GALNT12: variants seen among roughly 807,000 people sequenced by gnomAD.
GALNT12 encodes the protein UDP-GalNAc:polypeptide N-acetylgalactosaminyltransferase 12.
A neutral mutation model predicts 55.5 loss-of-function variants in GALNT12; 45 were observed. The ratio of observed to expected loss-of-function variants is 0.81; its 90% confidence interval spans 0.64 to 1.04. The LOEUF (loss-of-function observed/expected upper bound fraction) is 1.04. Among genes scored for constraint, GALNT12 ranks in the 50% least tolerant of loss-of-function variants. The pLI is 0.00. For missense variants in GALNT12, 709 were observed against 754.8 expected, an observed-to-expected ratio of 0.94 and a Z score of 0.71; for synonymous variants, 304 against 312.2, an observed-to-expected ratio of 0.97 and a Z score of 0.28.
At chr9:98,831,572 G>A (rs1835993377) in intron 3 of GALNT12, among the ~76,000 whole-genome samples, 200 bp from the exon 4 acceptor site, 1 of 152,072 alleles carries the variant, frequency 6.6e-6, no homozygotes, top group Non-Finnish European at 1.5e-5. Flanking sequence ...GCCCTCCGTG[G>A]CCCCCAGATC....
intron 9 of GALNT12, 59 bp from the exon 10 acceptor site, chr9:98,848,893 G>A: frequency 6.3e-7 from 1 of 1,598,486 alleles, no homozygotes; most frequent in Admixed American, 1.7e-5. Flanking sequence ...TTTAAAACAT[G>A]TCTTTAGGAA....
chr9:98,834,774 C>T (rs1283578811), intron 4 of GALNT12, among the ~76,000 whole-genome samples: 1 of 152,232 alleles, frequency 6.6e-6, no homozygotes, highest in Non-Finnish European at 1.5e-5. Context: ...CTGCCTTCTT[C>T]TCGGAACGTG....
chr9:98,847,647 G>A (rs1216490793), intron 9 of GALNT12, among the ~76,000 whole-genome samples: 1 of 152,108 alleles, frequency 6.6e-6, no homozygotes, highest in African/African-American at 2.4e-5. Context: ...TGATTCATAT[G>A]TGAAAAGGAT....
Position 98,844,137 on chromosome 9 carries a change from C to T in GALNT12, c.1386C>T (p.Asn462=), listed in dbSNP as rs143336366. The T allele has an allele frequency of 1.2e-6, 2 of 1,613,940 alleles. No individual in the cohort carries two copies. The highest frequency in any genetic ancestry group is 1.7e-6 in the Non-Finnish European group (2 of 1,179,836). ...KGLTDYCFDY[N]PPDENQIVGH... ...TAACAGACTACTGCTTTGACTATAACCCTCCCGATGAAAACCAGATTGTGG... is the reference window on the plus strand; with the variant it reads ...TAACAGACTACTGCTTTGACTATAATCCTCCCGATGAAAACCAGATTGTGG... Residue 462 remains asparagine, a synonymous_variant, in exon 8 of 10, where the codon AAC becomes AAT. Coordinates refer to ENST00000375011, the MANE Select transcript of GALNT12 (RefSeq NM_024642.5).
chr9:98,814,976 C>T (rs1365425909), intron 1 of GALNT12, among the ~76,000 whole-genome samples: 1 of 152,164 alleles, frequency 6.6e-6, no homozygotes, highest in Non-Finnish European at 1.5e-5. Flanking sequence ...TGCAATATAC[C>T]AGAAACTTAG....
At chr9:98,840,668 A>G (rs1836267438) in intron 7 of GALNT12, among the ~76,000 whole-genome samples, 1 of 152,234 alleles carries the variant, frequency 6.6e-6, no homozygotes, top group South Asian at 2.1e-4. Flanking sequence ...GTTCCATTCT[A>G]GAAGTCTTTG....
rs570517885 is a variant in GALNT12, at chr9:98,809,652, C to T, written c.371+1583C>T. On this transcript the variant is annotated intron_variant, in intron 1 of 9. Coordinates refer to ENST00000375011, the MANE Select transcript of GALNT12 (RefSeq NM_024642.5). ...CTTAGGAATTAATAAAGCATCAATA[C>T]CTGGGAGCACACTGTGTGCTTAAAT... Among the ~76,000 whole-genome samples, 6 of 152,296 alleles carry T rather than the reference C, an allele frequency of 3.9e-5. No homozygotes were observed. In the South Asian group the frequency reaches 1.2e-3, roughly 32 times the overall value.
Position 98,835,253 on chromosome 9 carries a change from C to G in GALNT12, c.922C>G (p.Pro308Ala). 2 of 1,610,752 alleles carry G rather than the reference C, an allele frequency of 1.2e-6. No individual in the cohort carries two copies. Among genetic ancestry groups the G allele is most frequent in the Non-Finnish European group, 1.7e-6 (2 of 1,176,934 alleles). ...MQSPVDVIRS[P>A]TMAGGLFAVS... ...AAGGATATCATACTTTTTTAGGTCT[C>G]CAACAATGGCTGGTGGGCTGTTTGC... The change falls in exon 5 of 10, where the codon CCA becomes GCA. Residue 308 changes from proline to alanine, a missense_variant. Transcript: ENST00000375011.
chr9:98,845,871 A>G (rs1451935658), intron 8 of GALNT12, 106 bp from the exon 9 acceptor site: 2 of 1,227,950 alleles, frequency 1.6e-6, no homozygotes, highest in African/African-American at 1.5e-5. Context: ...ACGCAGGTGC[A>G]TGACCCCACC....
At chr9:98,838,584 C>T (rs1000254723) in intron 6 of GALNT12, among the ~76,000 whole-genome samples, 5 of 152,208 alleles carry the variant, frequency 3.3e-5, no homozygotes, top group Non-Finnish European at 5.9e-5. Context: ...ACCTCCGGGA[C>T]CATTGTGGAT....
In GALNT12 at chr9:98,807,731, G is replaced by A. The variant is rs762490866; in HGVS notation, c.33G>A (p.Pro11=). Residue 11 remains proline, a synonymous_variant, in exon 1 of 10, where the codon CCG becomes CCA. Transcript: ENST00000375011. MWGRTARRRC[P]RELRRGREAL... ...GGCGCACGGCGCGGCGGCGCTGCCC[G>A]CGGGAACTGCGGCGCGGCCGGGAGG... The A allele has an allele frequency of 1.7e-6, 2 of 1,186,684 alleles. No homozygotes were observed. Among genetic ancestry groups the A allele is most frequent in the South Asian group, 5.1e-5 (2 of 39,318 alleles). 73.5% of individuals were successfully genotyped at this position (1,186,684 alleles called of 1,614,324 possible).
intron 9 of GALNT12, 70 bp downstream of exon 9, chr9:98,846,193 G>T: frequency 1.3e-6 from 2 of 1,567,754 alleles, no homozygotes; most frequent in Non-Finnish European, 1.8e-6. Flanking sequence ...AGAGTCAGAC[G>T]TTCTCTCTGG....
intron 1 of GALNT12, among the ~76,000 whole-genome samples, chr9:98,822,370 G>A (rs1402811454): frequency 3.9e-5 from 6 of 152,208 alleles, no homozygotes; most frequent in African/African-American, 1.4e-4. Flanking sequence ...AATTTGTCAT[G>A]TCACTCAGGA....
chr9:98,849,918 A>C lies in GALNT12; in HGVS notation c.*826A>C, dbSNP rs1304831638. 8.1e-6 allele frequency: 2 copies of C among 247,326 alleles called. No individual in the cohort carries two copies. The highest frequency in any genetic ancestry group is 1.2e-4 in the East Asian group (2 of 16,400). The allele number at this position is 247,326 out of a possible 1,614,324, so 15.3% of individuals were successfully genotyped here. On this transcript the variant is annotated 3_prime_UTR_variant, in exon 10 of 10. Transcript: ENST00000375011. The stretch of plus-strand genomic sequence containing the variant: ...AATTCCTTTTTCAAGTTTGTTCATT[A>C]ATAACAGTTATTAATTTAAATCAGC...
At chr9:98,832,274 C>G (rs1836017323) in intron 4 of GALNT12, among the ~76,000 whole-genome samples, 1 of 152,122 alleles carries the variant, frequency 6.6e-6, no homozygotes, top group African/African-American at 2.4e-5. Flanking sequence ...AATCCCAGTA[C>G]TTTGGGAAGC....
At chr9:98,819,582 TG>T (rs1385069277) in intron 1 of GALNT12, among the ~76,000 whole-genome samples, 2 of 152,110 alleles carry the variant, frequency 1.3e-5, no homozygotes, top group East Asian at 3.8e-4. Context: ...ATCATCCCAG[TG>T]ACAGCAGAGC....
chr9:98,843,740 T>C (rs1177750002), intron 7 of GALNT12, among the ~76,000 whole-genome samples: 2 of 152,210 alleles, frequency 1.3e-5, no homozygotes, highest in African/African-American at 4.8e-5. Flanking sequence ...TATCGCCTGC[T>C]TGATTTAGTT....
intron 3 of GALNT12, among the ~76,000 whole-genome samples, chr9:98,827,621 C>CT (rs1243942856): frequency 6.6e-6 from 1 of 152,150 alleles, no homozygotes; most frequent in Non-Finnish European, 1.5e-5. Context: ...TGACTTAACC[C>CT]TTACACCCAG....
intron 1 of GALNT12, among the ~76,000 whole-genome samples, chr9:98,813,075 C>A (rs1835527646): frequency 6.6e-6 from 1 of 152,214 alleles, no homozygotes; most frequent in African/African-American, 2.4e-5. Context: ...ACTATTCTTT[C>A]CTGAGTCAGA....
Sources: allele counts gnomAD v4.1 joint callset (sites outside exome capture counted in the v4.1 genomes callset), GRCh38; gene constraint gnomAD v4.1.1; transcripts MANE v1.5; gene names NCBI Gene and HGNC (gene_info 2026-07-23, HGNC 2026-07-21).